The following DOK6 variants were observed in gnomAD, a reference collection of about 807,000 sequenced individuals.
DOK6 encodes the protein docking protein 6, also known as downstream of tyrosine kinase 6.
DOK6 carries 22 observed loss-of-function variants against 44.0 expected under a neutral mutation model. The ratio of observed to expected loss-of-function variants is 0.50; its 90% CI spans 0.36 to 0.71. The LOEUF (loss-of-function observed/expected upper bound fraction) is 0.71. Ranked by LOEUF, DOK6 falls within the 30% of genes least tolerant of loss-of-function variation. DOK6 has a pLI of 0.00. For missense variants in DOK6, 340 were observed against 416.4 expected, an observed-to-expected ratio of 0.82 and a Z score of 1.60; for synonymous variants, 166 against 145.5, an observed-to-expected ratio of 1.14 and a Z score of -1.01.
At chr18:69,406,665 G>A (rs2122382864) in intron 1 of DOK6, among the ~76,000 whole-genome samples, 1 of 152,266 alleles carries the variant, frequency 6.6e-6, no homozygotes, top group South Asian at 2.1e-4. Flanking sequence ...TAGTGAGCAG[G>A]GAAGTGCTAC....
chr18:69,545,589 C>A (rs895015366), intron 1 of DOK6, among the ~76,000 whole-genome samples: 6 of 148,358 alleles, frequency 4.0e-5, no homozygotes, highest in African/African-American at 1.5e-4. Context: ...AATTTTAGAA[C>A]CATCATTTGC....
At chr18:69,677,385 T>C (rs1985947421) in intron 3 of DOK6, among the ~76,000 whole-genome samples, 1 of 150,544 alleles carries the variant, frequency 6.6e-6, no homozygotes, top group Admixed American at 6.7e-5. Flanking sequence ...TATATATATA[T>C]GTATATAAAA....
At chr18:69,670,069 T>C (rs972678791) in intron 3 of DOK6, among the ~76,000 whole-genome samples, 18 of 152,326 alleles carry the variant, frequency 1.2e-4, no homozygotes, top group African/African-American at 4.3e-4. Context: ...CAATTTGATT[T>C]TTTTGAACAT....
At chr18:69,543,219 T>C (rs1422832726) in intron 1 of DOK6, among the ~76,000 whole-genome samples, 1 of 151,526 alleles carries the variant, frequency 6.6e-6, no homozygotes, top group Non-Finnish European at 1.5e-5. Flanking sequence ...ACATGAAAAA[T>C]TGCAACTGTG....
intron 1 of DOK6, among the ~76,000 whole-genome samples, chr18:69,483,059 A>T (rs1323008419): frequency 1.3e-5 from 2 of 151,788 alleles, no homozygotes; most frequent in African/African-American, 4.8e-5. Flanking sequence ...ACCCTCCGAC[A>T]GGCCCCAGTG....
intron 1 of DOK6, among the ~76,000 whole-genome samples, chr18:69,487,432 G>A (rs889277090): frequency 6.6e-6 from 1 of 152,050 alleles, no homozygotes; most frequent in Non-Finnish European, 1.5e-5. Context: ...GGCAAAATCT[G>A]CCCCCAGTGT....
intron 3 of DOK6, among the ~76,000 whole-genome samples, chr18:69,629,111 C>T (rs1984627739): frequency 6.6e-6 from 1 of 152,164 alleles, no homozygotes; most frequent in Admixed American, 6.5e-5. Flanking sequence ...TGGGGGTTTG[C>T]CAGTTTGAGG....
At chr18:69,417,854 C>A (rs961392508) in intron 1 of DOK6, among the ~76,000 whole-genome samples, 1 of 152,022 alleles carries the variant, frequency 6.6e-6, no homozygotes, top group Non-Finnish European at 1.5e-5. Flanking sequence ...TATTTGGCTT[C>A]TTTTAAGAAA....
chr18:69,494,540 T>C (rs746649943), intron 1 of DOK6, among the ~76,000 whole-genome samples: 1 of 152,160 alleles, frequency 6.6e-6, no homozygotes, highest in Non-Finnish European at 1.5e-5. Flanking sequence ...ACAATTACTG[T>C]CTATAGTTAG....
intron 7 of DOK6, among the ~76,000 whole-genome samples, chr18:69,836,866 CTTAA>C (rs1457045674): frequency 2.6e-5 from 4 of 152,158 alleles, no homozygotes; most frequent in African/African-American, 2.4e-5. Context: ...TGAAAAAATG[CTTAA>C]TTATTTCTTT....
chr18:69,692,686 T>G (rs79673245), intron 4 of DOK6, among the ~76,000 whole-genome samples: 5,803 of 152,336 alleles, frequency 0.038, 175 homozygotes, highest in East Asian at 0.095. Context: ...TATGCTCAGA[T>G]AGGCCCAGGC....
chr18:69,426,795 T>A lies in DOK6; in HGVS notation c.66+25485T>A, dbSNP rs534331720. 2.6e-5 allele frequency among the ~76,000 whole-genome samples: 4 copies of A among 152,342 alleles called. No individual in the cohort carries two copies. In the East Asian group the frequency reaches 7.7e-4, roughly 29 times the overall value. ...CATCTCTACTAGTCTGATGTTACCCTACCTTTTATTCAGTTATTTGACTTT... is the reference window on the plus strand; with the variant it reads ...CATCTCTACTAGTCTGATGTTACCCAACCTTTTATTCAGTTATTTGACTTT... On this transcript the variant is annotated intron_variant, in intron 1 of 7. Coordinates refer to ENST00000382713, the MANE Select transcript of DOK6 (RefSeq NM_152721.6).
intron 6 of DOK6, among the ~76,000 whole-genome samples, chr18:69,744,293 G>A (rs1375483362): frequency 2.2e-5 from 3 of 137,160 alleles, no homozygotes; most frequent in Non-Finnish European, 4.7e-5. Flanking sequence ...CTGGGCAACA[G>A]AGCAGGACTC....
intron 1 of DOK6, among the ~76,000 whole-genome samples, chr18:69,509,464 C>G (rs557535771): frequency 6.6e-6 from 1 of 151,732 alleles, no homozygotes; most frequent in Non-Finnish European, 1.5e-5. Flanking sequence ...GGTGAAACCC[C>G]GTCTCTACTA....
At chr18:69,688,779 C>T (rs991333609) in intron 4 of DOK6, among the ~76,000 whole-genome samples, 6 of 152,152 alleles carry the variant, frequency 3.9e-5, no homozygotes, top group African/African-American at 1.4e-4. Context: ...ACCTCAACCT[C>T]CCAAAGCAAG....
At chr18:69,617,160 A>C (rs1347386499) in intron 3 of DOK6, among the ~76,000 whole-genome samples, 1 of 152,124 alleles carries the variant, frequency 6.6e-6, no homozygotes. Context: ...TGGTATCACA[A>C]AACAGAGCCT....
At chr18:69,455,156 C>CAAAAAAAAAAAAAAAAAAGAAAAAAA (rs1979595030) in intron 1 of DOK6, among the ~76,000 whole-genome samples, 1 of 117,448 alleles carries the variant, frequency 8.5e-6, no homozygotes, top group Non-Finnish European at 1.8e-5. Flanking sequence ...ATAGCTATAG[C>CAAAAAAAAAAAAAAAAAAGAAAAAAA]AAAAAAAAAA....
chr18:69,751,353 A>G (rs1328889929), intron 6 of DOK6, among the ~76,000 whole-genome samples: 1 of 152,232 alleles, frequency 6.6e-6, no homozygotes, highest in Non-Finnish European at 1.5e-5. Flanking sequence ...CCCCACAAAT[A>G]TATATAATTA....
At chr18:69,517,454 C>T (rs1981560028) in intron 1 of DOK6, among the ~76,000 whole-genome samples, 1 of 152,124 alleles carries the variant, frequency 6.6e-6, no homozygotes, top group African/African-American at 2.4e-5. Flanking sequence ...TTGAGACATT[C>T]TAGGCTCTAT....
Sources: gnomAD v4.1 joint callset for allele counts (sites outside exome capture counted in the v4.1 genomes callset) on GRCh38, gnomAD v4.1.1 for gene constraint, MANE v1.5 for transcripts, NCBI Gene and HGNC (gene_info 2026-07-23, HGNC 2026-07-21) for gene names.